The following SLC12A3 variants were observed in gnomAD, a reference collection of about 807,000 sequenced individuals.
The protein encoded by SLC12A3 is Na-Cl cotransporter.
In SLC12A3, 104 loss-of-function variants were observed where a neutral mutation model predicts 121.0. The ratio of observed to expected loss-of-function variants is 0.86; its 90% CI spans 0.73 to 1.01. The LOEUF is 1.01. Among genes scored for constraint, SLC12A3 ranks in the 50% least tolerant of loss-of-function variants. SLC12A3 has a pLI of 0.00. For synonymous variants in SLC12A3, 536 were observed against 533.4 expected (o/e 1.00, Z -0.07); for missense variants, 1,328 against 1,356.3 (o/e 0.98, Z 0.33).
chr16:56,883,461 T>C (rs1454485489), intron 13 of SLC12A3, among the ~76,000 whole-genome samples: 1 of 151,818 alleles, frequency 6.6e-6, no homozygotes, highest in Non-Finnish European at 1.5e-5. Context: ...TTTGTATTTT[T>C]AGTAGAGACG....
rs118121751 is a variant in SLC12A3 at position 56,879,598 on chromosome 16, C to A, written c.1392C>A (p.Ala464=). The change falls in exon 11 of 26, where the codon GCC becomes GCA. Residue 464 remains alanine (A), a synonymous_variant. Transcript: ENST00000563236. ...APLITAGIFG[A]TLSSALACLV... ...TGATCACGGCTGGCATCTTCGGGGCCACCCTCTCCTCTGCCCTGGCCTGCC... is the reference window on the plus strand; with the variant it reads ...TGATCACGGCTGGCATCTTCGGGGCAACCCTCTCCTCTGCCCTGGCCTGCC... 2,294 of 1,613,798 alleles carry A rather than the reference C, an allele frequency of 1.4e-3. 29 individuals are homozygous for A. The East Asian group carries it at 0.017, about 12-fold the overall frequency.
In SLC12A3 at chr16:56,867,121, G is replaced by C. The variant is rs200219778; in HGVS notation, c.334G>C (p.Glu112Gln). The change falls in exon 2 of 26, where the codon GAG becomes CAG. Residue 112 changes from glutamate (E) to glutamine (Q), a missense_variant. Glu to Gln is a conservative substitution (Grantham distance 29, BLOSUM62 2). Coordinates refer to ENST00000563236, the MANE Select transcript of SLC12A3 (RefSeq NM_001126108.2). ...GGCCTTTGACAGCCGGCCCAGCCAC[G>C]AGATGACTGATGGGCTGGTGGAGGG... ...ALAFDSRPSH[E>Q]MTDGLVEGEA... is the part of the protein sequence containing the mutation. The C allele has an allele frequency of 2.2e-4, 360 of 1,613,916 alleles. No homozygotes were observed. The highest frequency in any genetic ancestry group is 2.8e-4 in the Non-Finnish European group (334 of 1,180,040).
intron 13 of SLC12A3, among the ~76,000 whole-genome samples, 193 bp from the exon 14 acceptor site, chr16:56,883,856 G>A (rs546542778): frequency 6.6e-6 from 1 of 152,348 alleles, no homozygotes; most frequent in South Asian, 2.1e-4. Context: ...AGCCAAAGCA[G>A]GCGTGTGATT....
chr16:56,884,613 T>C lies in SLC12A3; in HGVS notation c.1825+409T>C, dbSNP rs147948157. 2.0e-3 allele frequency among the ~76,000 whole-genome samples: 306 copies of C among 152,282 alleles called. 2 individuals are homozygous for C. The highest frequency in any genetic ancestry group is 7.2e-3 in the African/African-American group (298 of 41,562). On this transcript the variant is annotated intron_variant, in intron 14 of 25. Coordinates refer to ENST00000563236, the MANE Select transcript of SLC12A3 (RefSeq NM_001126108.2). Reference sequence around the variant, plus strand: ...TTGGACTCCGGGCAAGGTCTCTACTTGGCTGCAGGCAGGGACCCTGGGGTG... The same window carrying C: ...TTGGACTCCGGGCAAGGTCTCTACTCGGCTGCAGGCAGGGACCCTGGGGTG...
At position 56,873,374 on chromosome 16, in the gene SLC12A3, C is replaced by CTTTTTTTTT. The variant is rs59478629; in HGVS notation, c.1095+609_1095+617dup. Among the ~76,000 whole-genome samples, 76 of 75,396 alleles carry CTTTTTTTTT rather than the reference C, an allele frequency of 1.0e-3. 2 individuals carry two copies. Among genetic ancestry groups the CTTTTTTTTT allele is most frequent in the Non-Finnish European group, 1.2e-3 (51 of 41,106 alleles). 49.5% of individuals were successfully genotyped at this position (75,396 alleles called of 152,430 possible). On this transcript the variant is annotated intron_variant, in intron 8 of 25. Coordinates refer to ENST00000563236, the MANE Select transcript of SLC12A3 (RefSeq NM_001126108.2). ...AAGTCTGTTCTGTTTCTCTTTCTTT[C>CTTTTTTTTT]TTTTTTTTTTTTTTTTTTTTTTTTT...
chr16:56,892,737 GC>G (rs2055406032), intron 20 of SLC12A3, among the ~76,000 whole-genome samples: 1 of 152,166 alleles, frequency 6.6e-6, no homozygotes, highest in Non-Finnish European at 1.5e-5. Context: ...CTCTGGGACT[GC>G]CCCCACCCCC....
chr16:56,868,189 G>A, intron 2 of SLC12A3, 108 bp from the exon 3 acceptor site: 4 of 1,005,846 alleles, frequency 4.0e-6, no homozygotes, highest in South Asian at 1.4e-5. Flanking sequence ...GGACCCAGGT[G>A]TCCCTAGGGC....
chr16:56,872,454 G>C lies in SLC12A3; in HGVS notation c.956G>C (p.Ser319Thr). The change falls in exon 7 of 26, where the codon AGC becomes ACC. Residue 319 changes from serine to threonine, a missense_variant. Transcript: ENST00000563236. ...SEDKASKGFF[S>T]YRADIFVQNL... ...GACAAGGCCTCCAAAGGCTTCTTCA[G>C]CTACCGGGGTATGTGCTGATCAAGG... 1 of 1,613,496 alleles carries C rather than the reference G, an allele frequency of 6.2e-7. No individual in the cohort carries two copies. The highest frequency in any genetic ancestry group is 8.5e-7 in the Non-Finnish European group (1 of 1,179,564).
Position 56,892,936 on chromosome 16 carries a change from G to GCC in SLC12A3, c.2420-13_2420-12dup. On this transcript the variant is annotated splice_polypyrimidine_tract_variant and intron_variant, in intron 20 of 25. Coordinates refer to ENST00000563236, the MANE Select transcript of SLC12A3 (RefSeq NM_001126108.2). Reference sequence around the variant, plus strand: ...GCGGCTGCTGGCTCTGCTCTGACCCGCCCCCACCTCCTGCAGTGGACCCCA... The same window carrying GCC: ...GCGGCTGCTGGCTCTGCTCTGACCCGCCCCCCCACCTCCTGCAGTGGACCCCA... The GCC allele has an allele frequency of 1.2e-6, 2 of 1,606,640 alleles. No individual in the cohort carries two copies. Among genetic ancestry groups the GCC allele is most frequent in the Non-Finnish European group, 1.7e-6 (2 of 1,173,710 alleles).
Position 56,880,112 on chromosome 16 carries a change from C to A in SLC12A3, c.1444-18C>A. The A allele has an allele frequency of 1.3e-6, 2 of 1,599,708 alleles. No homozygotes were observed. The highest frequency in any genetic ancestry group is 8.5e-7 in the Non-Finnish European group (1 of 1,174,758). ...GCAGGTCCCAGCCTAAGGGTGAGTGCGGCATCTGGTGCTGCAGTGCCTTTG... is the reference window on the plus strand; with the variant it reads ...GCAGGTCCCAGCCTAAGGGTGAGTGAGGCATCTGGTGCTGCAGTGCCTTTG... On this transcript the variant is annotated intron_variant, in intron 11 of 25. Transcript: ENST00000563236.
chr16:56,870,106 C>A lies in SLC12A3; in HGVS notation c.612C>A (p.Tyr204Ter). The change falls in exon 5 of 26, where the codon TAC becomes TAA. Residue 204 changes from tyrosine (Y) to a stop codon, truncating the protein, a stop_gained. Transcript: ENST00000563236. LOFTEE classifies it high-confidence loss of function. ...GCTCTGCCCTGATAGGTGGCACCTACTTCCTCATCTCCCGGAGTCTGGGCC... is the reference window on the plus strand; with the variant it reads ...GCTCTGCCCTGATAGGTGGCACCTAATTCCTCATCTCCCGGAGTCTGGGCC... ...TNGKVKSGGT[Y>*]FLISRSLGPE... 1 of 1,613,518 alleles carries A rather than the reference C, an allele frequency of 6.2e-7. No homozygotes were observed. Among genetic ancestry groups the A allele is most frequent in the Non-Finnish European group, 8.5e-7 (1 of 1,180,042 alleles).
At chr16:56,867,672 G>T (rs546027982) in intron 2 of SLC12A3, among the ~76,000 whole-genome samples, 63 of 152,280 alleles carry the variant, frequency 4.1e-4, no homozygotes, top group African/African-American at 1.5e-3. Context: ...CTGTGCCTCC[G>T]TTTCTCCATC....
Position 56,913,343 on chromosome 16 carries a change from A to C in SLC12A3, c.3004A>C (p.Arg1002=). The change falls in exon 26 of 26, where the codon AGA becomes CGA. Residue 1002 remains arginine (R), a synonymous_variant. Coordinates refer to ENST00000563236, the MANE Select transcript of SLC12A3 (RefSeq NM_001126108.2). ...AWLETLSQDL[R]PPVILIRGNQ... is the part of the protein sequence containing the mutation. ...GCTGGAGACCCTGTCCCAGGACCTCAGACCTCCAGTCATCCTGATCCGAGG... is the reference window on the plus strand; with the variant it reads ...GCTGGAGACCCTGTCCCAGGACCTCCGACCTCCAGTCATCCTGATCCGAGG... 1 of 1,614,198 alleles carries C rather than the reference A, an allele frequency of 6.2e-7. No homozygotes were observed. Among genetic ancestry groups the C allele is most frequent in the Non-Finnish European group, 8.5e-7 (1 of 1,180,010 alleles).
intron 14 of SLC12A3, among the ~76,000 whole-genome samples, chr16:56,884,752 G>A (rs745777115): frequency 2.0e-5 from 3 of 152,096 alleles, no homozygotes; most frequent in Admixed American, 1.3e-4. Flanking sequence ...ATCGTGTGGA[G>A]CTTGAGGTGT....
Position 56,869,664 on chromosome 16 carries a change from G to A in SLC12A3, c.506-65G>A, listed in dbSNP as rs1193145054. On this transcript the variant is annotated intron_variant, in intron 3 of 25. Transcript: ENST00000563236. Reference sequence around the variant, plus strand: ...GATGAACGTAGGTCGCATGGTGAATGAGTAGGCAAACTGGGGCTCCTCCCT... The same window carrying A: ...GATGAACGTAGGTCGCATGGTGAATAAGTAGGCAAACTGGGGCTCCTCCCT... 11 of 1,310,920 alleles carry A rather than the reference G, an allele frequency of 8.4e-6. No individual in the cohort carries two copies. In the African/African-American group the frequency reaches 8.7e-5, roughly 10 times the overall value. The allele number at this position is 1,310,920 out of a possible 1,614,324, so 81.2% of individuals were successfully genotyped here. A position where few individuals can be genotyped will look rare whatever the true frequency, so the allele number is the denominator to read the frequency against.
At chr16:56,880,031 C>G in intron 11 of SLC12A3, 99 bp from the exon 12 acceptor site, 4 of 1,497,120 alleles carry the variant, frequency 2.7e-6, no homozygotes, top group Non-Finnish European at 3.6e-6. Context: ...TTGGGGAGGT[C>G]ACGGAGGGCA....
intron 23 of SLC12A3, among the ~76,000 whole-genome samples, chr16:56,901,635 C>A (rs935038760): frequency 6.6e-6 from 1 of 152,218 alleles, no homozygotes; most frequent in African/African-American, 2.4e-5. Context: ...CCACTGTGCC[C>A]GGCCCCAGCC....
chr16:56,886,023 C>T (rs2055306154), intron 15 of SLC12A3, among the ~76,000 whole-genome samples: 1 of 152,230 alleles, frequency 6.6e-6, no homozygotes, highest in African/African-American at 2.4e-5. Context: ...GAGTCACCTT[C>T]CCGGGTAACT....
chr16:56,893,846 C>T (rs12445576), intron 21 of SLC12A3, among the ~76,000 whole-genome samples: 3 of 152,082 alleles, frequency 2.0e-5, no homozygotes, highest in East Asian at 1.9e-4. Context: ...GGCATGATGT[C>T]GGCTCACTGC....
Sources: gnomAD v4.1 joint callset for allele counts (sites outside exome capture counted in the v4.1 genomes callset) on GRCh38, gnomAD v4.1.1 for gene constraint, MANE v1.5 for transcripts, NCBI Gene and HGNC (gene_info 2026-07-23, HGNC 2026-07-21) for gene names.